ROBO2: variants seen among roughly 807,000 people sequenced by gnomAD.
ROBO2 encodes the protein roundabout homolog 2.
In ROBO2, 53 loss-of-function variants were observed where a neutral mutation model predicts 160.8. That is an observed-to-expected ratio of 0.33 (90% CI 0.26 to 0.41). The LOEUF (loss-of-function observed/expected upper bound fraction) is 0.41, where lower values mean the gene tolerates loss of function less well. Ranked by LOEUF, ROBO2 falls within the 10% of genes least tolerant of loss-of-function variation. ROBO2 has a pLI of 1.00. For missense variants in ROBO2, 1,577 were observed against 1,722.4 expected (o/e 0.92, Z 1.49); for synonymous variants, 664 against 611.7 (o/e 1.09, Z -1.26).
At chr3:76,854,243 A>T (rs912199123) in intron 2 of ROBO2, among the ~76,000 whole-genome samples, 12 of 152,218 alleles carry the variant, frequency 7.9e-5, no homozygotes, top group African/African-American at 2.9e-4. Flanking sequence ...ATGAACCATG[A>T]TTTATATAAC....
intron 2 of ROBO2, among the ~76,000 whole-genome samples, chr3:77,289,605 A>T (rs1485751469): frequency 6.6e-6 from 1 of 152,156 alleles, no homozygotes; most frequent in Non-Finnish European, 1.5e-5. Context: ...CATAAAGTAA[A>T]ATTGACGGTT....
chr3:76,140,666 CAT>C (rs2071599146), intron 2 of ROBO2, among the ~76,000 whole-genome samples: 1 of 151,710 alleles, frequency 6.6e-6, no homozygotes, highest in South Asian at 2.1e-4. Flanking sequence ...CTTAACTCTA[CAT>C]GTTAAAAAGT....
At chr3:76,827,964 T>C (rs2066728358) in intron 2 of ROBO2, among the ~76,000 whole-genome samples, 2 of 151,972 alleles carry the variant, frequency 1.3e-5, no homozygotes, top group Non-Finnish European at 2.9e-5. Context: ...TTGAAGAAAA[T>C]AATAATAAAC....
At chr3:77,267,803 C>T (rs767411493) in intron 2 of ROBO2, among the ~76,000 whole-genome samples, 10 of 152,044 alleles carry the variant, frequency 6.6e-5, no homozygotes, top group Non-Finnish European at 1.2e-4. Context: ...CATTTGCCTC[C>T]GCTCTCTTCC....
chr3:77,610,437 G>C (rs905067094), intron 21 of ROBO2, among the ~76,000 whole-genome samples: 1 of 151,990 alleles, frequency 6.6e-6, no homozygotes, highest in Non-Finnish European at 1.5e-5. Context: ...TGAGCAATGT[G>C]GAAGAACTAA....
chr3:77,582,699 T>C (rs1471071193), intron 16 of ROBO2, among the ~76,000 whole-genome samples: 3 of 152,134 alleles, frequency 2.0e-5, no homozygotes, highest in Non-Finnish European at 4.4e-5. Flanking sequence ...TTGTTGTTGT[T>C]ATTATTATAC....
chr3:76,715,270 A>C (rs1006304098), intron 2 of ROBO2, among the ~76,000 whole-genome samples: 2 of 152,194 alleles, frequency 1.3e-5, no homozygotes, highest in Admixed American at 6.5e-5. Context: ...CCAGGTATTA[A>C]TACTTCATGA....
At chr3:76,253,882 A>T (rs1203271232) in intron 2 of ROBO2, among the ~76,000 whole-genome samples, 1 of 151,956 alleles carries the variant, frequency 6.6e-6, no homozygotes, top group African/African-American at 2.4e-5. Flanking sequence ...CTTCACTCTC[A>T]GGAGAACACT....
At chr3:76,656,853 A>T (rs2091548829) in intron 2 of ROBO2, among the ~76,000 whole-genome samples, 1 of 152,084 alleles carries the variant, frequency 6.6e-6, no homozygotes, top group South Asian at 2.1e-4. Flanking sequence ...CAATTGCTTG[A>T]TTCTCATTTT....
At chr3:76,393,289 T>C (rs2077247859) in intron 2 of ROBO2, among the ~76,000 whole-genome samples, 1 of 152,162 alleles carries the variant, frequency 6.6e-6, no homozygotes, top group Admixed American at 6.6e-5. Context: ...AGTAAGTCCC[T>C]CATTGAACTA....
intron 2 of ROBO2, among the ~76,000 whole-genome samples, chr3:76,117,304 CACAA>C (rs2070513619): frequency 6.6e-6 from 1 of 152,156 alleles, no homozygotes; most frequent in Non-Finnish European, 1.5e-5. Flanking sequence ...TGGCTATTTT[CACAA>C]ACAGTGAAGC....
chr3:76,781,111 T>TC lies in ROBO2; in HGVS notation c.110-316902dup, dbSNP rs529373332. Among the ~76,000 whole-genome samples the TC allele has an allele frequency of 7.3e-5, 11 of 150,934 alleles. No individual in the cohort carries two copies. The South Asian group carries it at 8.3e-4, about 11-fold the overall frequency. ...TCTTTCATCAGTGTTTTACAGTTTT[T>TC]CAAGAATAGCTCTCTTACCTCCTTG... is the stretch of plus-strand genomic sequence containing the variant. On this transcript the variant is annotated intron_variant, in intron 2 of 26. Coordinates refer to the ROBO2 transcript ENST00000487694.
At chr3:76,617,281 GTATATA>G (rs140513831) in intron 2 of ROBO2, among the ~76,000 whole-genome samples, 18 of 150,532 alleles carry the variant, frequency 1.2e-4, no homozygotes, top group Non-Finnish European at 1.6e-4. Flanking sequence ...ACCCTTTATT[GTATATA>G]TATATATATA....
At chr3:76,308,553 A>G (rs1163706858) in intron 2 of ROBO2, among the ~76,000 whole-genome samples, 1 of 152,140 alleles carries the variant, frequency 6.6e-6, no homozygotes, top group Admixed American at 6.5e-5. Flanking sequence ...TTCTAAACTC[A>G]TACTTTCACA....
chr3:77,200,079 T>C (rs2082686524), intron 2 of ROBO2, among the ~76,000 whole-genome samples: 1 of 150,856 alleles, frequency 6.6e-6, no homozygotes, highest in Non-Finnish European at 1.5e-5. Flanking sequence ...CTTTTAGATG[T>C]ATAAGTATGT....
chr3:76,454,630 T>C (rs2077656233), intron 2 of ROBO2, among the ~76,000 whole-genome samples: 2 of 152,152 alleles, frequency 1.3e-5, no homozygotes, highest in South Asian at 4.1e-4. Context: ...AGATTACTTT[T>C]CCATCAACTG....
In ROBO2 at chr3:76,555,513, C is replaced by T. The variant is rs545805131; in HGVS notation, c.110-542501C>T. On this transcript the variant is annotated intron_variant, in intron 2 of 26. Transcript: ENST00000487694. ...ATCTTGAGTTGAAAATGGTCAGAAA[C>T]AAGAACACAATGTATGAAGTATGCT... Among the ~76,000 whole-genome samples, 4 of 152,008 alleles carry T rather than the reference C, an allele frequency of 2.6e-5. No homozygotes were observed. In the East Asian group the frequency reaches 7.8e-4, roughly 30 times the overall value.
intron 2 of ROBO2, among the ~76,000 whole-genome samples, chr3:77,299,068 G>C (rs191598679): frequency 2.0e-5 from 3 of 152,188 alleles, no homozygotes; most frequent in Non-Finnish European, 4.4e-5. Flanking sequence ...AGATGTGCAT[G>C]ATGAGGAACA....
chr3:76,496,683 A>T (rs1284450922), intron 2 of ROBO2, among the ~76,000 whole-genome samples: 1 of 152,136 alleles, frequency 6.6e-6, no homozygotes, highest in Non-Finnish European at 1.5e-5. Context: ...GTAAATGGCA[A>T]TACCACTCAT....
Sources: gnomAD v4.1 joint callset for allele counts (sites outside exome capture counted in the v4.1 genomes callset) on GRCh38, gnomAD v4.1.1 for gene constraint, MANE v1.5 for transcripts, NCBI Gene and HGNC (gene_info 2026-07-23, HGNC 2026-07-21) for gene names.